KLF12: variants seen among roughly 807,000 people sequenced by gnomAD.
KLF12 encodes Krueppel-like factor 12.
A neutral mutation model predicts 37.8 loss-of-function variants in KLF12; 9 were observed. The observed-to-expected ratio is 0.24, with a 90% confidence interval of 0.14 to 0.42. The LOEUF is 0.42. Ranked by LOEUF, KLF12 falls within the 10% of genes least tolerant of loss-of-function variation. The probability of loss-of-function intolerance (pLI) is 1.00; values close to 1 mark genes in which losing one functional copy is unlikely to be tolerated. For synonymous variants in KLF12, 208 were observed against 202.1 expected (o/e 1.03, Z -0.25); for missense variants, 411 against 516.0 (o/e 0.80, Z 1.97).
At chr13:74,108,206 CAATAAT>C (rs200117619) in intron 1 of KLF12, among the ~76,000 whole-genome samples, 1 of 151,494 alleles carries the variant, frequency 6.6e-6, no homozygotes, top group Non-Finnish European at 1.5e-5. Flanking sequence ...TCTGCAATAG[CAATAAT>C]AATAATAATA....
chr13:73,738,104 T>TATATACACACACATATATGTATCTGTAC (rs1877620280), intron 6 of KLF12, among the ~76,000 whole-genome samples: 1 of 103,580 alleles, frequency 9.7e-6, no homozygotes, highest in African/African-American at 4.3e-5. Context: ...TATATATATA[T>TATATACACACACATATATGTATCTGTAC]ATATATATAT....
chr13:74,149,805 C>G, the KLF12 span, among the ~76,000 whole-genome samples: 1 of 152,144 alleles, frequency 6.6e-6, no homozygotes, highest in South Asian at 2.1e-4. Context: ...AGGTTTCTCT[C>G]TCATTATTTT....
chr13:74,233,344 A>G, the KLF12 span, among the ~76,000 whole-genome samples: 12 of 152,060 alleles, frequency 7.9e-5, no homozygotes, highest in Non-Finnish European at 1.3e-4. Flanking sequence ...TCCATCCACT[A>G]TGTGCCCTGA....
At chr13:74,159,784 T>G in the KLF12 span, among the ~76,000 whole-genome samples, 2 of 152,098 alleles carry the variant, frequency 1.3e-5, no homozygotes, top group African/African-American at 4.8e-5. Context: ...TTTGGGAAAC[T>G]GAGGTGGGCA....
intron 3 of KLF12, among the ~76,000 whole-genome samples, chr13:73,871,962 C>T (rs988687481): frequency 2.6e-5 from 4 of 152,138 alleles, no homozygotes; most frequent in African/African-American, 7.2e-5. Context: ...GGTCCACTTG[C>T]CTGAAAAGAC....
At chr13:73,790,908 T>G (rs1881647310) in intron 5 of KLF12, among the ~76,000 whole-genome samples, 1 of 152,206 alleles carries the variant, frequency 6.6e-6, no homozygotes, top group East Asian at 1.9e-4. Context: ...ATGCTCTCTC[T>G]TCCATGAAAG....
At chr13:74,019,180 A>T (rs1485560470) in intron 1 of KLF12, among the ~76,000 whole-genome samples, 2 of 152,174 alleles carry the variant, frequency 1.3e-5, no homozygotes, top group Non-Finnish European at 2.9e-5. Context: ...AATAAATCAA[A>T]ATGTTAACTT....
intron 5 of KLF12, among the ~76,000 whole-genome samples, chr13:73,798,168 GA>G (rs1007297152): frequency 1.3e-5 from 2 of 152,116 alleles, no homozygotes; most frequent in Non-Finnish European, 2.9e-5. Flanking sequence ...GAGCAATGGG[GA>G]AAAGACACCC....
the KLF12 span, among the ~76,000 whole-genome samples, chr13:74,301,222 T>C: frequency 1.6e-3 from 240 of 152,304 alleles, no homozygotes; most frequent in African/African-American, 5.1e-3. Flanking sequence ...CTGTCTTAAA[T>C]GTACCAGATC....
intron 4 of KLF12, among the ~76,000 whole-genome samples, chr13:73,839,472 C>T (rs566419660): frequency 1.9e-4 from 29 of 152,012 alleles, no homozygotes; most frequent in African/African-American, 6.8e-4. Flanking sequence ...TAAAAAAATG[C>T]CTTTAAAGGA....
At chr13:73,903,879 G>C (rs1888148844) in intron 3 of KLF12, among the ~76,000 whole-genome samples, 1 of 152,146 alleles carries the variant, frequency 6.6e-6, no homozygotes, top group Non-Finnish European at 1.5e-5. Flanking sequence ...AGGTTGCATG[G>C]TCCTTCCGAT....
At chr13:74,026,070 A>T (rs1892969183) in intron 1 of KLF12, among the ~76,000 whole-genome samples, 1 of 152,186 alleles carries the variant, frequency 6.6e-6, no homozygotes, top group Admixed American at 6.5e-5. Context: ...TACAATGTGA[A>T]ATGTCAATTT....
chr13:73,983,352 T>C (rs1250849878), intron 2 of KLF12, among the ~76,000 whole-genome samples: 8 of 152,204 alleles, frequency 5.3e-5, no homozygotes, highest in African/African-American at 1.2e-4. Flanking sequence ...AACTTAGTGA[T>C]GTCAGCACGG....
At chr13:73,814,306 A>T (rs1566388260) in intron 4 of KLF12, among the ~76,000 whole-genome samples, 1 of 152,226 alleles carries the variant, frequency 6.6e-6, no homozygotes, top group Non-Finnish European at 1.5e-5. Context: ...ACATTTGGGT[A>T]CATTTCATAA....
At chr13:73,791,009 G>C (rs1881652936) in intron 5 of KLF12, among the ~76,000 whole-genome samples, 1 of 152,176 alleles carries the variant, frequency 6.6e-6, no homozygotes, top group South Asian at 2.1e-4. Flanking sequence ...GAAAAAGGGG[G>C]AGTTGTCTCT....
chr13:74,027,407 G>T lies in KLF12; in HGVS notation c.-31-32354C>A, dbSNP rs186704232. Among the ~76,000 whole-genome samples, 202 of 152,176 alleles carry T rather than the reference G, an allele frequency of 1.3e-3. 1 individual carries two copies. The highest frequency in any genetic ancestry group is 4.5e-3 in the African/African-American group (188 of 41,514). On this transcript the variant is annotated intron_variant, in intron 1 of 7. Transcript: ENST00000377669. ...TGTTCATTCAACATGCATACATTTT[G>T]TCTTGGGAGCGGGGGGAGAGGGGTA...
intron 7 of KLF12, among the ~76,000 whole-genome samples, chr13:73,711,314 G>A (rs1875380543): frequency 6.6e-6 from 1 of 152,208 alleles, no homozygotes; most frequent in South Asian, 2.1e-4. Flanking sequence ...GATTTTCAAT[G>A]TAGATGATAT....
the KLF12 span, among the ~76,000 whole-genome samples, chr13:74,159,182 T>G: frequency 6.6e-6 from 1 of 152,178 alleles, no homozygotes; most frequent in Non-Finnish European, 1.5e-5. Flanking sequence ...TCACTGGAGA[T>G]CCCTGTGCCC....
chr13:73,696,968 C>T (rs1376590408), intron 7 of KLF12, among the ~76,000 whole-genome samples: 1 of 152,108 alleles, frequency 6.6e-6, no homozygotes, highest in Admixed American at 6.6e-5. Flanking sequence ...CGTTTAGACG[C>T]CCTTCTGTAC....
Sources: allele counts gnomAD v4.1 joint callset (sites outside exome capture counted in the v4.1 genomes callset), GRCh38; gene constraint gnomAD v4.1.1; transcripts MANE v1.5; gene names NCBI Gene and HGNC (gene_info 2026-07-23, HGNC 2026-07-21).